TTC28: variants seen among roughly 807,000 people sequenced by gnomAD.
TTC28 encodes the protein tetratricopeptide repeat domain 28.
A neutral mutation model predicts 198.0 loss-of-function variants in TTC28; 61 were observed. That is an observed-to-expected ratio of 0.31 (90% confidence interval 0.25 to 0.38). The LOEUF (loss-of-function observed/expected upper bound fraction) is 0.38. Among genes scored for constraint, TTC28 ranks in the 10% least tolerant of loss-of-function variants. The pLI is 1.00. For missense variants in TTC28, 2,678 were observed against 3,164.0 expected, an observed-to-expected ratio of 0.85 and a Z score of 3.69; for synonymous variants, 1,171 against 1,297.8, an observed-to-expected ratio of 0.90 and a Z score of 2.10.
intron 2 of TTC28, among the ~76,000 whole-genome samples, chr22:28,369,011 T>C (rs117305915): frequency 0.03 from 4,559 of 151,920 alleles, 100 homozygotes; most frequent in Non-Finnish European, 0.05. Context: ...AAAATACCAA[T>C]GGCATTCTTC....
intron 5 of TTC28, among the ~76,000 whole-genome samples, chr22:28,225,933 T>C (rs991980749): frequency 2.0e-5 from 3 of 152,236 alleles, no homozygotes; most frequent in Non-Finnish European, 2.9e-5. Flanking sequence ...CATAATGATT[T>C]TGAGATTCAA....
chr22:28,173,170 C>T (rs1922844447), intron 5 of TTC28, among the ~76,000 whole-genome samples: 1 of 152,148 alleles, frequency 6.6e-6, no homozygotes, highest in Non-Finnish European at 1.5e-5. Flanking sequence ...TATTTTACAG[C>T]CCCTGGGCAA....
rs190538492 is a variant in TTC28 at position 28,473,865 on chromosome 22, A to C, written c.381+155687T>G. 2.2e-4 allele frequency among the ~76,000 whole-genome samples: 34 copies of C among 152,312 alleles called. 1 individual carries two copies. Among genetic ancestry groups the C allele is most frequent in the Admixed American group, 2.1e-3 (32 of 15,302 alleles). On this transcript the variant is annotated intron_variant, in intron 2 of 22. Transcript: ENST00000397906. ...ACCTGGAGGAAAGACAATGTGAAAG[A>C]AGCAGACCATCTAAAAGCCAAAGAG...
intron 6 of TTC28, among the ~76,000 whole-genome samples, chr22:28,148,963 A>G (rs1943542131): frequency 6.6e-6 from 1 of 152,232 alleles, no homozygotes; most frequent in Non-Finnish European, 1.5e-5. Flanking sequence ...ATCATCCTTC[A>G]TCCATTCAAG....
In TTC28 at chr22:28,208,505, GC is replaced by G. The variant is rs767863490; in HGVS notation, c.934-44907del. Among the ~76,000 whole-genome samples, 8 of 152,224 alleles carry G rather than the reference GC, an allele frequency of 5.3e-5. No homozygotes were observed. In the East Asian group the frequency reaches 9.7e-4, roughly 18 times the overall value. ...AGTTTCTAACCTTTTCCTGACGTGA[GC>G]CAGAAAACAAGGAAGTTCAAAGATC... On this transcript the variant is annotated intron_variant, in intron 5 of 22. Coordinates refer to ENST00000397906, the MANE Select transcript of TTC28 (RefSeq NM_001145418.2).
chr22:28,346,060 T>C (rs1245268723), intron 2 of TTC28, among the ~76,000 whole-genome samples: 1 of 152,190 alleles, frequency 6.6e-6, no homozygotes, highest in Non-Finnish European at 1.5e-5. Flanking sequence ...CTATCCTGGA[T>C]GCTTTTTTAA....
chr22:28,051,182 T>G (rs531850372), intron 12 of TTC28, among the ~76,000 whole-genome samples: 66 of 152,204 alleles, frequency 4.3e-4, no homozygotes, highest in Non-Finnish European at 8.1e-4. Context: ...TCCCTAGATC[T>G]TTTGTAAAAC....
At chr22:28,274,688 A>T (rs1045236805) in intron 5 of TTC28, among the ~76,000 whole-genome samples, 2 of 152,194 alleles carry the variant, frequency 1.3e-5, no homozygotes, top group Non-Finnish European at 2.9e-5. Context: ...GATGCTATTA[A>T]GAATGCATTA....
rs1393647718 is a variant in TTC28 at position 28,401,220 on chromosome 22, T to TGACGACGACGATGACGAC, written c.382-94595_382-94578dup. Among the ~76,000 whole-genome samples, 32 of 151,718 alleles carry TGACGACGACGATGACGAC rather than the reference T, an allele frequency of 2.1e-4. No individual in the cohort carries two copies. The South Asian group carries it at 5.9e-3, about 28-fold the overall frequency. On this transcript the variant is annotated intron_variant, in intron 2 of 22. Transcript: ENST00000397906. ...AGGAGGAGGAGGATGACGATGACGATGACGACGACGATGACGACGACGACG... is the reference window on the plus strand; with the variant it reads ...AGGAGGAGGAGGATGACGATGACGATGACGACGACGATGACGACGACGACGACGATGACGACGACGACG...
At chr22:28,101,391 G>T (rs1942147978) in intron 8 of TTC28, 111 bp from the exon 9 acceptor site, 9 of 899,656 alleles carry the variant, frequency 1.0e-5, no homozygotes, top group Non-Finnish European at 1.5e-5. Flanking sequence ...TTTGAGACAG[G>T]GTCTCACTCT....
intron 5 of TTC28, among the ~76,000 whole-genome samples, chr22:28,229,806 T>C (rs1243696701): frequency 6.6e-6 from 1 of 152,142 alleles, no homozygotes; most frequent in Non-Finnish European, 1.5e-5. Flanking sequence ...TGCCCAGAAA[T>C]GTCCACTGCT....
chr22:28,030,201 C>A, intron 13 of TTC28, 25 bp downstream of exon 13: 1 of 1,550,790 alleles, frequency 6.4e-7, no homozygotes, highest in Non-Finnish European at 8.7e-7. Context: ...CTGCACTGGG[C>A]CTGGGGAAAG....
intron 5 of TTC28, among the ~76,000 whole-genome samples, chr22:28,175,716 A>T (rs1191201768): frequency 2.0e-5 from 3 of 152,120 alleles, no homozygotes; most frequent in African/African-American, 7.2e-5. Context: ...CTGGGCAACA[A>T]GAGCAAAACT....
intron 12 of TTC28, among the ~76,000 whole-genome samples, chr22:28,043,782 G>C (rs1939759095): frequency 6.6e-6 from 1 of 152,166 alleles, no homozygotes; most frequent in Non-Finnish European, 1.5e-5. Flanking sequence ...AGGGACCTGT[G>C]TGTCCTTACT....
intron 2 of TTC28, 52 bp from the exon 3 acceptor site, chr22:28,306,695 GATGGTGA>G: frequency 6.5e-7 from 1 of 1,529,780 alleles, no homozygotes; most frequent in African/African-American, 1.4e-5. Context: ...CAACAAGGCT[GATGGTGA>G]TTCTTTACTA....
intron 9 of TTC28, among the ~76,000 whole-genome samples, chr22:28,099,817 G>T (rs559986844): frequency 9.9e-5 from 15 of 152,274 alleles, no homozygotes; most frequent in Middle Eastern, 6.8e-3. Context: ...TATGGTGAAG[G>T]CATCCCGGAA....
chr22:28,167,346 C>T (rs1326839008), intron 5 of TTC28, among the ~76,000 whole-genome samples: 1 of 152,192 alleles, frequency 6.6e-6, no homozygotes, highest in African/African-American at 2.4e-5. Flanking sequence ...ATCCTGATAC[C>T]AAAGCCTGGC....
chr22:28,026,870 C>T (rs1407110170), intron 13 of TTC28, among the ~76,000 whole-genome samples: 1 of 152,220 alleles, frequency 6.6e-6, no homozygotes, highest in African/African-American at 2.4e-5. Context: ...ACCTAGGATG[C>T]TTGTTGCGCC....
At chr22:28,555,157 C>A (rs112436972) in intron 2 of TTC28, among the ~76,000 whole-genome samples, 2,957 of 152,250 alleles carry the variant, frequency 0.019, 29 homozygotes, top group Non-Finnish European at 0.026. Flanking sequence ...TGTAATACCA[C>A]CTCACTCCTG....
Sources: gnomAD v4.1 joint callset for allele counts (sites outside exome capture counted in the v4.1 genomes callset) on GRCh38, gnomAD v4.1.1 for gene constraint, MANE v1.5 for transcripts, NCBI Gene and HGNC (gene_info 2026-07-23, HGNC 2026-07-21) for gene names.